The following RRM2 variants were observed in gnomAD, a reference collection of about 807,000 sequenced individuals.
RRM2 encodes ribonucleotide reductase regulatory subunit M2.
RRM2 carries 6 observed loss-of-function variants against 45.9 expected under a neutral mutation model. The observed-to-expected ratio is 0.13, with a 90% CI of 0.07 to 0.26. The LOEUF is 0.26. RRM2 is among the 10% of genes least tolerant of loss of function. RRM2 has a pLI of 1.00. For missense variants in RRM2, 343 were observed against 489.5 expected (o/e 0.70, Z 2.82); for synonymous variants, 177 against 173.0 (o/e 1.02, Z -0.18).
Position 10,148,143 on chromosome 2 carries a change from CAAAAAAAAAAAAAAAA to C in RRM2, n.482+5783_482+5798del, listed in dbSNP as rs374826185. Reference sequence around the variant, plus strand: ...TGGGCAACAGAGTGAGACCCTGACTCAAAAAAAAAAAAAAAAAAAAAAAAAAAAAAGAAATCAGATA... The same window carrying C: ...TGGGCAACAGAGTGAGACCCTGACTCAAAAAAAAAAAAAAGAAATCAGATA... On this transcript the variant is annotated intron_variant and non_coding_transcript_variant, in intron 3 of 3. Transcript: ENST00000381786. Among the ~76,000 whole-genome samples, 312 of 119,590 alleles carry C rather than the reference CAAAAAAAAAAAAAAAA, an allele frequency of 2.6e-3. 1 individual carries two copies. Among genetic ancestry groups the C allele is most frequent in the South Asian group, 0.012 (40 of 3,430 alleles). The allele number at this position is 119,590 out of a possible 152,430, so 78.5% of individuals were successfully genotyped here.
intron 3 of RRM2, among the ~76,000 whole-genome samples, chr2:10,201,755 A>G (rs1267192213): frequency 6.6e-6 from 1 of 152,234 alleles, no homozygotes; most frequent in Non-Finnish European, 1.5e-5. Flanking sequence ...GATAATGTAC[A>G]CTAAAACATA....
chr2:10,180,805 TC>T (rs1664029542), intron 3 of RRM2, among the ~76,000 whole-genome samples: 1 of 152,182 alleles, frequency 6.6e-6, no homozygotes, highest in African/African-American at 2.4e-5. Context: ...TCTCACTCTG[TC>T]GCTAGGCTGG....
intron 3 of RRM2, among the ~76,000 whole-genome samples, chr2:10,173,538 G>A (rs985426700): frequency 8.5e-5 from 13 of 152,184 alleles, no homozygotes; most frequent in Non-Finnish European, 1.5e-4. Context: ...ATGCAGGCCC[G>A]TGGCTGGATG....
downstream of RRM2, among the ~76,000 whole-genome samples, chr2:10,135,312 C>A (rs1453563822): frequency 1.3e-5 from 2 of 152,004 alleles, no homozygotes; most frequent in African/African-American, 2.4e-5. Context: ...AACAGTGAGA[C>A]CGAACTCAAA....
At chr2:10,149,688 C>T (rs993296671) in intron 3 of RRM2, among the ~76,000 whole-genome samples, 1 of 152,138 alleles carries the variant, frequency 6.6e-6, no homozygotes, top group Non-Finnish European at 1.5e-5. Context: ...GGAGAAGAAG[C>T]GAGGACTACA....
rs766738979 is a variant in RRM2, at chr2:10,171,688, A to G, written n.482+29313A>G. Among the ~76,000 whole-genome samples the G allele has an allele frequency of 2.1e-4, 32 of 152,194 alleles. No individual in the cohort carries two copies. Among genetic ancestry groups the G allele is most frequent in the Non-Finnish European group, 4.4e-4 (30 of 68,022 alleles). The stretch of plus-strand genomic sequence containing the variant: ...CGGATGCCACCCCAGGACCCCTGGC[A>G]TAGGGAGCCGAGCAGGGCAGCCGGG... On this transcript the variant is annotated intron_variant and non_coding_transcript_variant, in intron 3 of 3. Transcript: ENST00000381786. This position sits in a 1 kb window ranked among gnomAD's most constrained non-coding sequence, Gnocchi z 4.1.
chr2:10,134,754 A>G (rs1274221886), downstream of RRM2, among the ~76,000 whole-genome samples: 1 of 152,254 alleles, frequency 6.6e-6, no homozygotes, highest in East Asian at 1.9e-4. Context: ...AAGATTAGAC[A>G]TAGCTGAAGA....
intron 5 of RRM2, among the ~76,000 whole-genome samples, chr2:10,125,875 G>A (rs1174461457): frequency 1.3e-5 from 2 of 152,106 alleles, no homozygotes; most frequent in Non-Finnish European, 2.9e-5. Context: ...GAGAAAAGAA[G>A]GCAAAGATTA....
At chr2:10,162,190 C>T (rs1374273779) in intron 3 of RRM2, among the ~76,000 whole-genome samples, 2 of 152,112 alleles carry the variant, frequency 1.3e-5, no homozygotes, top group African/African-American at 2.4e-5. Context: ...CCCGGGTGCA[C>T]AGAGGGGAGG....
chr2:10,199,798 A>AC lies in RRM2; in HGVS notation n.483-10513_483-10512insC, dbSNP rs1174417266. ...CAGTCTCAAAAAAAAAAAAAAAAAA[A>AC]AAAAAAAAAAACAAATCATGGTATG... On this transcript the variant is annotated intron_variant and non_coding_transcript_variant, in intron 3 of 3. Transcript: ENST00000381786. 5.8e-4 allele frequency among the ~76,000 whole-genome samples: 87 copies of AC among 150,534 alleles called. 5 individuals are homozygous for AC. The highest frequency in any genetic ancestry group is 1.4e-3 in the African/African-American group (58 of 40,896).
rs1358339043 is a variant in RRM2 at position 10,171,496 on chromosome 2, G to A, written n.482+29121G>A. Among the ~76,000 whole-genome samples the A allele has an allele frequency of 6.6e-6, 1 of 152,202 alleles. No homozygotes were observed. Among genetic ancestry groups the A allele is most frequent in the Non-Finnish European group, 1.5e-5 (1 of 68,040 alleles). ...TTTCTGCAATTGTTCCTAAAGAGGG[G>A]CCTGTGGGTCGAGTGAGCTAAGCAG... On this transcript the variant is annotated intron_variant and non_coding_transcript_variant, in intron 3 of 3. Transcript: ENST00000381786. This position sits in a 1 kb window ranked among gnomAD's most constrained non-coding sequence, Gnocchi z 4.1.
chr2:10,203,050 G>A (rs962337584), intron 3 of RRM2, among the ~76,000 whole-genome samples: 2 of 152,212 alleles, frequency 1.3e-5, no homozygotes, highest in African/African-American at 4.8e-5. Context: ...CAGCGAGGGA[G>A]AAGTAATTAC....
Position 10,128,828 on chromosome 2 carries a change from T to A in RRM2, c.799-20T>A, listed in dbSNP as rs72544300. 52 of 1,575,440 alleles carry A rather than the reference T, an allele frequency of 3.3e-5. No individual in the cohort carries two copies. The East Asian group carries it at 1.1e-3, about 35-fold the overall frequency. On this transcript the variant is annotated intron_variant, in intron 7 of 9. Coordinates refer to ENST00000304567, the MANE Select transcript of RRM2 (RefSeq NM_001034.4). ...GACAGAAGTCTTCTGGCTTTAGTGA[T>A]CTTGAACTTTTTTTTCTAGGGTTTA... is the stretch of plus-strand genomic sequence containing the variant.
At chr2:10,157,748 T>A (rs1023295274) in intron 3 of RRM2, among the ~76,000 whole-genome samples, 6 of 152,224 alleles carry the variant, frequency 3.9e-5, no homozygotes, top group African/African-American at 1.4e-4. Context: ...TTTGTGCATT[T>A]CATTTTTAAA....
chr2:10,135,997 C>T (rs62129885), downstream of RRM2, among the ~76,000 whole-genome samples: 194 of 152,196 alleles, frequency 1.3e-3, no homozygotes, highest in Non-Finnish European at 2.4e-3. Context: ...GCCCTACACA[C>T]AGTCCCTAGG....
Position 10,129,100 on chromosome 2 carries a change from G to A in RRM2, c.963G>A (p.Lys321=). The A allele has an allele frequency of 1.2e-6, 2 of 1,614,218 alleles. No individual in the cohort carries two copies. The highest frequency in any genetic ancestry group is 1.7e-6 in the Non-Finnish European group (2 of 1,180,040). The change falls in exon 9 of 10, where the codon AAG becomes AAA. Residue 321 remains lysine (K), a synonymous_variant. Transcript: ENST00000304567. This position sits in a 1 kb window ranked among gnomAD's most constrained non-coding sequence, Gnocchi z 4.8. The part of the protein sequence containing the change: ...KLIGMNCTLM[K]QYIEFVADRL... ...TTGGGATGAATTGCACTCTAATGAAGCAATACATTGAGTTTGTGGCAGACA... is the reference window on the plus strand; with the variant it reads ...TTGGGATGAATTGCACTCTAATGAAACAATACATTGAGTTTGTGGCAGACA...
At chr2:10,152,691 C>T (rs1158449938) in intron 3 of RRM2, among the ~76,000 whole-genome samples, 3 of 151,706 alleles carry the variant, frequency 2.0e-5, no homozygotes, top group East Asian at 3.9e-4. Context: ...CCATGTTGGC[C>T]AGGCTGGTCT....
intron 3 of RRM2, among the ~76,000 whole-genome samples, chr2:10,147,963 G>A (rs1663224958): frequency 6.6e-6 from 1 of 151,848 alleles, no homozygotes; most frequent in Non-Finnish European, 1.5e-5. Context: ...TGGCCAACAT[G>A]GTGAAACCCT....
intron 3 of RRM2, among the ~76,000 whole-genome samples, chr2:10,174,382 G>A (rs1369490616): frequency 1.3e-5 from 2 of 152,166 alleles, no homozygotes; most frequent in Non-Finnish European, 2.9e-5. Flanking sequence ...GGCCATCCAT[G>A]CTGGCCCCTC....
Sources: gnomAD v4.1 joint callset for allele counts (sites outside exome capture counted in the v4.1 genomes callset) on GRCh38, gnomAD v4.1.1 for gene constraint, Gnocchi (gnomAD v3.1) non-coding constraint, MANE v1.5 for transcripts, NCBI Gene and HGNC (gene_info 2026-07-23, HGNC 2026-07-21) for gene names.